Variants in RAB43 observed in about 807,000 individuals in gnomAD.
RAB43 encodes the protein ras-related protein Rab-43.
A neutral mutation model predicts 18.8 loss-of-function variants in RAB43; 6 were observed. The observed-to-expected ratio is 0.32, with a 90% CI of 0.17 to 0.63. The LOEUF (loss-of-function observed/expected upper bound fraction) is 0.63. Among genes scored for constraint, RAB43 ranks in the 30% least tolerant of loss-of-function variants. The probability of loss-of-function intolerance (pLI) is 0.79; values close to 1 mark genes in which losing one functional copy is unlikely to be tolerated. For synonymous variants in RAB43, 103 were observed against 124.1 expected, an observed-to-expected ratio of 0.83 and a Z score of 1.13; for missense variants, 195 against 289.1, an observed-to-expected ratio of 0.67 and a Z score of 2.36.
intron 1 of RAB43, among the ~76,000 whole-genome samples, chr3:129,108,260 G>C (rs1226190726): frequency 6.6e-6 from 1 of 152,174 alleles, no homozygotes; most frequent in Non-Finnish European, 1.5e-5. Context: ...CACCTCCCTA[G>C]GACAGCCACG....
At chr3:129,121,120 G>C (rs117363630) in intron 1 of RAB43, among the ~76,000 whole-genome samples, 166 bp downstream of exon 1, 3,380 of 123,508 alleles carry the variant, frequency 0.027, 100 homozygotes, top group East Asian at 0.13. Context: ...CTTGAACCCG[G>C]CCCAGACCCC....
chr3:129,090,115 G>C lies in RAB43; in HGVS notation c.*981C>G, dbSNP rs1409939116. The C allele has an allele frequency of 6.6e-6, 1 of 150,900 alleles. No individual in the cohort carries two copies. The highest frequency in any genetic ancestry group is 2.4e-5 in the African/African-American group (1 of 41,006). The allele number at this position is 150,900 out of a possible 1,614,324, so 9.3% of individuals were successfully genotyped here. A position where few individuals can be genotyped will look rare whatever the true frequency, so the allele number is the denominator to read the frequency against. The stretch of plus-strand genomic sequence containing the variant: ...AGTTAAGGGTCCAGGGAATAAAATG[G>C]GCCAGGCCAAGGACCGCCAGGGCCT... On this transcript the variant is annotated 3_prime_UTR_variant, in exon 3 of 3. Transcript: ENST00000315150.
At position 129,121,515 on chromosome 3, in the gene RAB43, C is replaced by G. The variant is rs781152646; in HGVS notation, c.-26G>C. On this transcript the variant is annotated 5_prime_UTR_variant, in exon 1 of 3. Coordinates refer to ENST00000315150, the MANE Select transcript of RAB43 (RefSeq NM_198490.3). Reference sequence around the variant, plus strand: ...GGCCTAGAAGAAGCCGAAGGGCCGGCGCTCTGGACGCTGGGACCGGCCTGA... The same window carrying G: ...GGCCTAGAAGAAGCCGAAGGGCCGGGGCTCTGGACGCTGGGACCGGCCTGA... 1 of 1,563,914 alleles carries G rather than the reference C, an allele frequency of 6.4e-7. No individual in the cohort carries two copies. Among genetic ancestry groups the G allele is most frequent in the East Asian group, 2.3e-5 (1 of 42,734 alleles).
chr3:129,092,058 TAAAAAAAAA>T (rs1012657876), intron 2 of RAB43, among the ~76,000 whole-genome samples: 1 of 59,618 alleles, frequency 1.7e-5, no homozygotes, highest in Non-Finnish European at 3.5e-5. Context: ...AACTCCGTCA[TAAAAAAAAA>T]AAAAAAAAAA....
At chr3:129,111,509 C>CAA (rs59684183) in intron 1 of RAB43, among the ~76,000 whole-genome samples, 12 of 68,588 alleles carry the variant, frequency 1.7e-4, no homozygotes, top group African/African-American at 4.2e-4. Context: ...GACTCTGTCT[C>CAA]AAAAAAAAAA....
intron 2 of RAB43, chr3:129,092,728 G>A (rs946543798): frequency 4.9e-5 from 19 of 387,440 alleles, no homozygotes; most frequent in Non-Finnish European, 6.9e-5. Context: ...AGGCTGAGGC[G>A]GGTGGATCAC....
intron 2 of RAB43, among the ~76,000 whole-genome samples, chr3:129,093,313 G>A (rs1328688931): frequency 1.3e-5 from 2 of 152,160 alleles, no homozygotes; most frequent in East Asian, 3.9e-4. Flanking sequence ...AAATGTCCTG[G>A]ATAAATGGGA....
At chr3:129,104,831 C>T (rs1467915579) in intron 1 of RAB43, among the ~76,000 whole-genome samples, 1 of 152,240 alleles carries the variant, frequency 6.6e-6, no homozygotes, top group African/African-American at 2.4e-5. Flanking sequence ...CTGGGATAAA[C>T]TGCATTCATC....
chr3:129,094,686 T>C (rs1933917503), intron 2 of RAB43, among the ~76,000 whole-genome samples: 1 of 151,410 alleles, frequency 6.6e-6, no homozygotes, highest in South Asian at 2.1e-4. Context: ...GGCTAATTTT[T>C]TTTTATTTTT....
In RAB43 at chr3:129,087,670, T is replaced by C. The variant is rs1933431623; in HGVS notation, c.*3426A>G. ...TTTTCCATGTTTTAAAAAATAGATT[T>C]GGTATAAAGATTTATATATTCATAA... On this transcript the variant is annotated 3_prime_UTR_variant, in exon 3 of 3. Transcript: ENST00000315150. 1 of 151,752 alleles carries C rather than the reference T, an allele frequency of 6.6e-6. No homozygotes were observed. Among genetic ancestry groups the C allele is most frequent in the Non-Finnish European group, 1.5e-5 (1 of 67,956 alleles). 9.4% of individuals were successfully genotyped at this position (151,752 alleles called of 1,614,324 possible).
chr3:129,097,153 A>G (rs1253329981), intron 1 of RAB43, among the ~76,000 whole-genome samples: 2 of 152,154 alleles, frequency 1.3e-5, no homozygotes, highest in Admixed American at 1.3e-4. Flanking sequence ...ATTAAGAAGC[A>G]GCCTAGGAGA....
At chr3:129,111,610 T>C (rs776939978) in intron 1 of RAB43, among the ~76,000 whole-genome samples, 4 of 151,572 alleles carry the variant, frequency 2.6e-5, no homozygotes, top group Non-Finnish European at 2.9e-5. Context: ...CTCCCACTCA[T>C]GCAGCCAACA....
At chr3:129,112,262 TAAAAAAA>T (rs372301070) in intron 1 of RAB43, among the ~76,000 whole-genome samples, 1 of 137,894 alleles carries the variant, frequency 7.3e-6, no homozygotes, top group Non-Finnish European at 1.6e-5. Context: ...AGACCCTGTT[TAAAAAAA>T]AAAAAAAAGT....
intron 1 of RAB43, among the ~76,000 whole-genome samples, chr3:129,100,235 G>A (rs1934333273): frequency 6.6e-6 from 1 of 152,186 alleles, no homozygotes; most frequent in African/African-American, 2.4e-5. Context: ...AAAAACAAGT[G>A]CGGAAAGAAA....
chr3:129,093,893 C>T (rs935256736), intron 2 of RAB43, among the ~76,000 whole-genome samples: 1 of 152,158 alleles, frequency 6.6e-6, no homozygotes, highest in Admixed American at 6.5e-5. Context: ...GAACCAAGAT[C>T]ACGCCACGGC....
intron 1 of RAB43, among the ~76,000 whole-genome samples, chr3:129,105,889 C>A (rs995477463): frequency 1.3e-5 from 2 of 152,148 alleles, no homozygotes; most frequent in Non-Finnish European, 2.9e-5. Context: ...CCCTCTCTTG[C>A]CATCAGGAAT....
chr3:129,098,436 T>G (rs1934197583), intron 1 of RAB43, among the ~76,000 whole-genome samples: 1 of 152,192 alleles, frequency 6.6e-6, no homozygotes, highest in Non-Finnish European at 1.5e-5. Flanking sequence ...GAATCAACAC[T>G]CTTCTAAAGA....
intron 1 of RAB43, among the ~76,000 whole-genome samples, chr3:129,112,331 G>T (rs76315249): frequency 0.013 from 1,948 of 151,348 alleles, 30 homozygotes; most frequent in African/African-American, 0.045. Context: ...ATGGTAAACA[G>T]AATTTTTTAA....
rs770242552 is a variant in RAB43 at position 129,095,017 on chromosome 3, A to G, written c.357T>C (p.Tyr119=). ...VPHWIEDVRK[Y]AGSNIVQLLI... ...GCAGCTGCACAATGTTGGAGCCCGCATACTTCCTCACATCCTCAATCCAGT... is the reference window on the plus strand; with the variant it reads ...GCAGCTGCACAATGTTGGAGCCCGCGTACTTCCTCACATCCTCAATCCAGT... The change falls in exon 2 of 3, where the codon TAT becomes TAC. Residue 119 remains tyrosine (Y), a synonymous_variant. Coordinates refer to ENST00000315150, the MANE Select transcript of RAB43 (RefSeq NM_198490.3). This position sits in a 1 kb window ranked among gnomAD's most constrained non-coding sequence, Gnocchi z 4.2. 3.7e-5 allele frequency: 60 copies of G among 1,612,290 alleles called. No individual in the cohort carries two copies. The East Asian group carries it at 1.0e-3, about 28-fold the overall frequency.
Sources: gnomAD v4.1 joint callset for allele counts (sites outside exome capture counted in the v4.1 genomes callset) on GRCh38, gnomAD v4.1.1 for gene constraint, Gnocchi (gnomAD v3.1) non-coding constraint, MANE v1.5 for transcripts, NCBI Gene and HGNC (gene_info 2026-07-23, HGNC 2026-07-21) for gene names.